RABGAP1L: variants seen among roughly 807,000 people sequenced by gnomAD.
RABGAP1L encodes rab GTPase-activating protein 1-like.
In RABGAP1L, 63 loss-of-function variants were observed where a neutral mutation model predicts 137.7. That is an observed-to-expected ratio of 0.46 (90% CI 0.37 to 0.56). The LOEUF (loss-of-function observed/expected upper bound fraction) is 0.56, where lower values mean the gene tolerates loss of function less well. RABGAP1L is among the 20% of genes least tolerant of loss of function. The pLI is 0.00. For synonymous variants in RABGAP1L, 431 were observed against 433.7 expected (o/e 0.99, Z 0.08); for missense variants, 1,095 against 1,244.0 (o/e 0.88, Z 1.80).
intron 13 of RABGAP1L, among the ~76,000 whole-genome samples, chr1:174,446,113 C>T (rs1654733824): frequency 1.3e-5 from 2 of 152,170 alleles, no homozygotes; most frequent in African/African-American, 4.8e-5. Context: ...AGGGCTTGGG[C>T]TCAGGTGGAG....
chr1:174,922,762 A>G (rs1373267116), intron 19 of RABGAP1L, among the ~76,000 whole-genome samples: 1 of 152,232 alleles, frequency 6.6e-6, no homozygotes, highest in Non-Finnish European at 1.5e-5. Flanking sequence ...TAGTGGTTAA[A>G]AGTGTGGGCT....
At chr1:174,495,939 C>T (rs951026091) in intron 13 of RABGAP1L, among the ~76,000 whole-genome samples, 2 of 152,118 alleles carry the variant, frequency 1.3e-5, no homozygotes, top group African/African-American at 2.4e-5. Flanking sequence ...AGGTTGCTCT[C>T]GAACCCTGGA....
At chr1:174,879,074 A>G (rs1653692186) in intron 19 of RABGAP1L, among the ~76,000 whole-genome samples, 4 of 149,698 alleles carry the variant, frequency 2.7e-5, no homozygotes, top group Non-Finnish European at 5.9e-5. Context: ...AGCTGGGACT[A>G]CAGGCACCTG....
At chr1:174,983,182 G>C (rs943181272) in intron 24 of RABGAP1L, among the ~76,000 whole-genome samples, 3 of 152,182 alleles carry the variant, frequency 2.0e-5, no homozygotes, top group Admixed American at 1.3e-4. Flanking sequence ...CTTGAGATGA[G>C]AGTGGTATGA....
chr1:174,769,498 A>G (rs551951523), intron 18 of RABGAP1L, among the ~76,000 whole-genome samples: 1 of 152,320 alleles, frequency 6.6e-6, no homozygotes, highest in East Asian at 1.9e-4. Context: ...CGTCCACACC[A>G]TAGAAGAATT....
chr1:174,811,775 T>C (rs1217556432), intron 18 of RABGAP1L, 57 bp from the exon 19 acceptor site: 3 of 1,420,048 alleles, frequency 2.1e-6, no homozygotes, highest in Non-Finnish European at 2.8e-6. Flanking sequence ...TTTTGAAATA[T>C]ATTTGTCCTC....
In RABGAP1L at chr1:174,867,621, T is replaced by C. The variant is rs116646828; in HGVS notation, c.2340+55661T>C. Among the ~76,000 whole-genome samples, 435 of 152,306 alleles carry C rather than the reference T, an allele frequency of 2.9e-3. 4 individuals carry two copies. Among genetic ancestry groups the C allele is most frequent in the Non-Finnish European group, 4.5e-3 (309 of 68,024 alleles). On this transcript the variant is annotated intron_variant, in intron 19 of 25. Transcript: ENST00000681986. ...TTTGTAATCACATGTTTGGGTTTAA[T>C]CATAACTCTCATTTAGTAGTAGTGT...
intron 25 of RABGAP1L, among the ~76,000 whole-genome samples, chr1:174,989,468 A>G (rs1313046053): frequency 2.6e-5 from 4 of 152,152 alleles, no homozygotes; most frequent in South Asian, 2.1e-4. Flanking sequence ...GGCAAAGCCT[A>G]TTTCTTTGGA....
chr1:174,626,847 C>G (rs778209088), intron 13 of RABGAP1L, among the ~76,000 whole-genome samples: 1 of 152,188 alleles, frequency 6.6e-6, no homozygotes, highest in Non-Finnish European at 1.5e-5. Context: ...CCACTGCAAA[C>G]CCATCTGCTT....
chr1:174,514,216 T>G (rs1662596467), intron 13 of RABGAP1L, among the ~76,000 whole-genome samples: 1 of 127,596 alleles, frequency 7.8e-6, no homozygotes, highest in South Asian at 2.6e-4. Context: ...ACTGGATTTT[T>G]AAATCATGAA....
intron 13 of RABGAP1L, among the ~76,000 whole-genome samples, chr1:174,625,609 T>G (rs894313366): frequency 6.6e-6 from 1 of 152,180 alleles, no homozygotes; most frequent in Non-Finnish European, 1.5e-5. Flanking sequence ...TACAGTCACT[T>G]TTTGTATTAT....
chr1:174,626,448 C>T (rs766213980), intron 13 of RABGAP1L, among the ~76,000 whole-genome samples: 1 of 152,218 alleles, frequency 6.6e-6, no homozygotes, highest in Non-Finnish European at 1.5e-5. Flanking sequence ...CCTCTCTACA[C>T]GCCTCCCTTT....
chr1:174,624,742 G>C (rs946746711), intron 13 of RABGAP1L, among the ~76,000 whole-genome samples: 1 of 151,964 alleles, frequency 6.6e-6, no homozygotes, highest in Non-Finnish European at 1.5e-5. Flanking sequence ...CCACTTCAGG[G>C]CCTTTCACAT....
chr1:174,185,548 C>G (rs1255392195), intron 1 of RABGAP1L, among the ~76,000 whole-genome samples: 1 of 152,084 alleles, frequency 6.6e-6, no homozygotes, highest in East Asian at 1.9e-4. Flanking sequence ...AAGAAGAATA[C>G]AAGTAAAAAG....
intron 19 of RABGAP1L, among the ~76,000 whole-genome samples, chr1:174,842,320 C>A (rs1693503075): frequency 6.6e-6 from 1 of 152,186 alleles, no homozygotes; most frequent in African/African-American, 2.4e-5. Flanking sequence ...AATATACCCA[C>A]AGTACACACA....
chr1:174,250,203 G>T (rs1672608377), intron 5 of RABGAP1L, among the ~76,000 whole-genome samples: 1 of 151,914 alleles, frequency 6.6e-6, no homozygotes, highest in South Asian at 2.1e-4. Flanking sequence ...ACTTCACATT[G>T]ATGATAGTTT....
intron 13 of RABGAP1L, among the ~76,000 whole-genome samples, chr1:174,578,747 AT>A (rs1200077187): frequency 1.3e-5 from 2 of 152,128 alleles, no homozygotes; most frequent in East Asian, 3.9e-4. Flanking sequence ...TTCTAATTGA[AT>A]TTTTTGAAGA....
intron 14 of RABGAP1L, among the ~76,000 whole-genome samples, chr1:174,655,601 C>T (rs1675906400): frequency 6.6e-6 from 1 of 152,172 alleles, no homozygotes; most frequent in African/African-American, 2.4e-5. Context: ...TGAAATTACT[C>T]TTTTCCCCAT....
intron 13 of RABGAP1L, among the ~76,000 whole-genome samples, chr1:174,426,683 G>T (rs904261288): frequency 6.6e-6 from 1 of 152,058 alleles, no homozygotes. Context: ...AATGTTGACT[G>T]TAAGTTACTT....
Sources: allele counts gnomAD v4.1 joint callset (sites outside exome capture counted in the v4.1 genomes callset), GRCh38; gene constraint gnomAD v4.1.1; transcripts MANE v1.5; gene names NCBI Gene and HGNC (gene_info 2026-07-23, HGNC 2026-07-21).